CLYBL: variants seen among roughly 807,000 people sequenced by gnomAD.
CLYBL encodes citramalyl-CoA lyase.
In CLYBL, 31 loss-of-function variants were observed where a neutral mutation model predicts 38.9. The ratio of observed to expected loss-of-function variants is 0.80; its 90% CI spans 0.60 to 1.08. CLYBL has a LOEUF of 1.08. CLYBL is among the 50% of genes least tolerant of loss of function. The pLI, the probability that CLYBL is intolerant of heterozygous loss-of-function variation, is 0.00. For missense variants in CLYBL, 434 were observed against 411.6 expected (o/e 1.05, Z -0.47); for synonymous variants, 171 against 158.6 (o/e 1.08, Z -0.59).
chr13:99,824,145 G>C (rs1487059559), intron 2 of CLYBL, among the ~76,000 whole-genome samples: 4 of 152,152 alleles, frequency 2.6e-5, no homozygotes, highest in African/African-American at 9.7e-5. Flanking sequence ...TCAGGTTGCT[G>C]GTGGCTTGGC....
chr13:99,699,887 G>A (rs1378420812), intron 1 of CLYBL, among the ~76,000 whole-genome samples: 5 of 148,752 alleles, frequency 3.4e-5, no homozygotes, highest in Admixed American at 2.0e-4. Flanking sequence ...CCAGCTACTC[G>A]AGGCTGAGGC....
intron 2 of CLYBL, among the ~76,000 whole-genome samples, chr13:99,848,986 A>G (rs2051270647): frequency 6.6e-6 from 1 of 152,064 alleles, no homozygotes; most frequent in Non-Finnish European, 1.5e-5. Flanking sequence ...TAAAAATACA[A>G]AAATTAGCTG....
chr13:99,616,615 TTC>T (rs1437562807), intron 1 of CLYBL, among the ~76,000 whole-genome samples: 1 of 152,200 alleles, frequency 6.6e-6, no homozygotes, highest in Non-Finnish European at 1.5e-5. Context: ...GTTAACATCC[TTC>T]TCTTAGTTAG....
At chr13:99,768,253 G>A (rs1173980972) in intron 1 of CLYBL, among the ~76,000 whole-genome samples, 11 of 128,828 alleles carry the variant, frequency 8.5e-5, no homozygotes, top group African/African-American at 1.2e-4. Flanking sequence ...GAGTGCAAAC[G>A]GTGCTATCTC....
chr13:99,830,058 A>G (rs2050775119), intron 2 of CLYBL, among the ~76,000 whole-genome samples: 1 of 152,104 alleles, frequency 6.6e-6, no homozygotes, highest in Non-Finnish European at 1.5e-5. Context: ...ATGTGCGTTC[A>G]AGTCCTGGCT....
intron 1 of CLYBL, among the ~76,000 whole-genome samples, chr13:99,661,390 T>A (rs2047406976): frequency 6.6e-6 from 1 of 152,216 alleles, no homozygotes; most frequent in Admixed American, 6.5e-5. Flanking sequence ...ACAGATTGTT[T>A]TCCTACTTCT....
intron 1 of CLYBL, among the ~76,000 whole-genome samples, chr13:99,662,859 A>G (rs959018353): frequency 6.6e-6 from 1 of 152,162 alleles, no homozygotes; most frequent in African/African-American, 2.4e-5. Flanking sequence ...CTCCCTTGTA[A>G]TGTGGTTTGT....
intron 1 of CLYBL, among the ~76,000 whole-genome samples, chr13:99,736,857 A>G (rs1344214205): frequency 6.6e-6 from 1 of 152,076 alleles, no homozygotes; most frequent in Non-Finnish European, 1.5e-5. Flanking sequence ...AACTTCCCCC[A>G]AGGCTGAATT....
intron 1 of CLYBL, among the ~76,000 whole-genome samples, chr13:99,709,157 T>TA (rs888593250): frequency 1.3e-5 from 2 of 151,932 alleles, no homozygotes; most frequent in African/African-American, 4.8e-5. Flanking sequence ...TTGCTGTCCT[T>TA]AAAAAAAGAG....
intron 1 of CLYBL, among the ~76,000 whole-genome samples, chr13:99,654,556 A>G (rs1291510476): frequency 6.6e-6 from 1 of 152,220 alleles, no homozygotes; most frequent in Non-Finnish European, 1.5e-5. Flanking sequence ...AAGGTCTCCA[A>G]AGCAATCCCA....
intron 1 of CLYBL, among the ~76,000 whole-genome samples, chr13:99,756,157 G>T (rs1024737946): frequency 1.3e-5 from 2 of 152,152 alleles, no homozygotes; most frequent in Admixed American, 6.5e-5. Flanking sequence ...GGATTCAGTG[G>T]GTGGGGATGT....
intron 1 of CLYBL, among the ~76,000 whole-genome samples, chr13:99,694,340 A>G (rs72653913): frequency 0.021 from 3,195 of 152,364 alleles, 84 homozygotes; most frequent in Admixed American, 0.081. Flanking sequence ...TTTGCTGTGC[A>G]CATGTATGTG....
downstream of CLYBL, among the ~76,000 whole-genome samples, chr13:99,900,474 T>G (rs1000416724): frequency 2.6e-5 from 4 of 152,062 alleles, no homozygotes; most frequent in Admixed American, 1.3e-4. Flanking sequence ...TCCCGTCCCC[T>G]GATCTTGCAG....
chr13:99,675,661 A>G (rs923789978), intron 1 of CLYBL, among the ~76,000 whole-genome samples: 6 of 152,226 alleles, frequency 3.9e-5, no homozygotes, highest in Non-Finnish European at 8.8e-5. Context: ...TTCACTTAGT[A>G]TAATGTTTTC....
At chr13:99,885,066 C>A (rs571930949) in intron 7 of CLYBL, 10 of 529,636 alleles carry the variant, frequency 1.9e-5, no homozygotes, top group South Asian at 1.4e-4. Context: ...GTGTACCTGG[C>A]AGGTACTGGG....
intron 1 of CLYBL, among the ~76,000 whole-genome samples, chr13:99,631,604 A>ATT (rs1161251016): frequency 6.8e-6 from 1 of 146,594 alleles, no homozygotes; most frequent in African/African-American, 2.5e-5. Context: ...TTCACACCAA[A>ATT]TTTTTTTTTT....
chr13:99,633,694 C>T (rs1427711022), intron 1 of CLYBL, among the ~76,000 whole-genome samples: 1 of 151,932 alleles, frequency 6.6e-6, no homozygotes, highest in East Asian at 1.9e-4. Flanking sequence ...TTGTACAGCA[C>T]TGTGAATTTT....
chr13:99,867,273 A>T (rs1168624455), intron 6 of CLYBL, among the ~76,000 whole-genome samples: 1 of 152,218 alleles, frequency 6.6e-6, no homozygotes, highest in Non-Finnish European at 1.5e-5. Context: ...AGAGACGAGC[A>T]TCCTGATATT....
chr13:99,868,187 T>C (rs1220020432), intron 6 of CLYBL, among the ~76,000 whole-genome samples: 2 of 152,226 alleles, frequency 1.3e-5, no homozygotes, highest in African/African-American at 4.8e-5. Flanking sequence ...GAGCCACACT[T>C]CGTAGGCAGT....
Sources: allele counts gnomAD v4.1 joint callset (sites outside exome capture counted in the v4.1 genomes callset), GRCh38; gene constraint gnomAD v4.1.1; transcripts MANE v1.5; gene names NCBI Gene and HGNC (gene_info 2026-07-23, HGNC 2026-07-21).